Variants in YES1 observed in about 807,000 individuals in gnomAD.
YES1 encodes YES proto-oncogene 1, Src family tyrosine kinase.
YES1 carries 39 observed loss-of-function variants against 70.4 expected under a neutral mutation model. The ratio of observed to expected loss-of-function variants is 0.55; its 90% CI spans 0.43 to 0.72. The LOEUF is 0.72. Among genes scored for constraint, YES1 ranks in the 30% least tolerant of loss-of-function variants. The pLI, the probability that YES1 is intolerant of heterozygous loss-of-function variation, is 0.00. For synonymous variants in YES1, 198 were observed against 218.6 expected (o/e 0.91, Z 0.83); for missense variants, 495 against 644.8 (o/e 0.77, Z 2.52).
At chr18:791,799 A>G (rs1906263998) in intron 1 of YES1, among the ~76,000 whole-genome samples, 1 of 152,156 alleles carries the variant, frequency 6.6e-6, no homozygotes, top group African/African-American at 2.4e-5. Flanking sequence ...TCACGTCTGT[A>G]ATCCCAGCAC....
intron 2 of YES1, among the ~76,000 whole-genome samples, chr18:752,380 G>C (rs1259304643): frequency 6.6e-6 from 1 of 152,082 alleles, no homozygotes; most frequent in Admixed American, 6.6e-5. Flanking sequence ...AAAGTGCTGG[G>C]ATTACAGACG....
intron 11 of YES1, among the ~76,000 whole-genome samples, chr18:725,386 T>A (rs1432449268): frequency 6.6e-6 from 1 of 152,202 alleles, no homozygotes; most frequent in Non-Finnish European, 1.5e-5. Context: ...AGGAATGATA[T>A]TTAAAATAGT....
At chr18:755,573 T>C (rs1456695100) in intron 2 of YES1, among the ~76,000 whole-genome samples, 5 of 152,086 alleles carry the variant, frequency 3.3e-5, no homozygotes, top group African/African-American at 7.2e-5. Context: ...TTTGGTCCAG[T>C]TGGAACAGAC....
At chr18:770,922 A>G (rs1905122436) in intron 1 of YES1, among the ~76,000 whole-genome samples, 1 of 151,796 alleles carries the variant, frequency 6.6e-6, no homozygotes, top group African/African-American at 2.4e-5. Flanking sequence ...GAGGTGGGAG[A>G]ACAGCTTGAG....
chr18:801,588 G>A (rs1169449778), intron 1 of YES1, among the ~76,000 whole-genome samples: 1 of 152,076 alleles, frequency 6.6e-6, no homozygotes, highest in African/African-American at 2.4e-5. Flanking sequence ...AACTCACCTA[G>A]AAATAAATGA....
At position 739,828 on chromosome 18, in the gene YES1, G is replaced by A. The variant is rs150361963; in HGVS notation, c.1061-17C>T. On this transcript the variant is annotated splice_polypyrimidine_tract_variant and intron_variant, in intron 8 of 11. Coordinates refer to ENST00000314574, the MANE Select transcript of YES1 (RefSeq NM_005433.4). Reference sequence around the variant, plus strand: ...ATAAGCTTCCTGTAACAGACAGCAAGATATTCATAAAAAATAAGCAAATCT... The same window carrying A: ...ATAAGCTTCCTGTAACAGACAGCAAAATATTCATAAAAAATAAGCAAATCT... The A allele has an allele frequency of 3.1e-6, 5 of 1,590,772 alleles. No individual in the cohort carries two copies. The East Asian group carries it at 1.1e-4, about 36-fold the overall frequency.
At chr18:770,692 T>C (rs1442716982) in intron 1 of YES1, among the ~76,000 whole-genome samples, 1 of 152,178 alleles carries the variant, frequency 6.6e-6, no homozygotes, top group African/African-American at 2.4e-5. Context: ...TAAAGCTCAC[T>C]TTGTTTGTTT....
chr18:730,728 TTTTA>T (rs904983346), intron 11 of YES1, among the ~76,000 whole-genome samples: 2 of 152,194 alleles, frequency 1.3e-5, no homozygotes, highest in African/African-American at 4.8e-5. Flanking sequence ...CTTTTACATA[TTTTA>T]TTTAACTTTT....
In YES1 at chr18:723,629, T is replaced by C. The variant is rs2079984917; in HGVS notation, c.*795A>G. ...AAGATCAAAACATTTCCCCTTTGAT[T>C]GGACAGTAGTTTCAATTATATATTG... is the stretch of plus-strand genomic sequence containing the variant. On this transcript the variant is annotated 3_prime_UTR_variant, in exon 12 of 12. Coordinates refer to ENST00000314574, the MANE Select transcript of YES1 (RefSeq NM_005433.4). 1 of 152,668 alleles carries C rather than the reference T, an allele frequency of 6.6e-6. No individual in the cohort carries two copies. The highest frequency in any genetic ancestry group is 1.5e-5 in the Non-Finnish European group (1 of 68,040). The allele number at this position is 152,668 out of a possible 1,614,324, so 9.5% of individuals were successfully genotyped here. A position where few individuals can be genotyped will look rare whatever the true frequency, so the allele number is the denominator to read the frequency against.
intron 1 of YES1, among the ~76,000 whole-genome samples, chr18:780,464 T>G (rs916885832): frequency 6.6e-6 from 1 of 152,092 alleles, no homozygotes; most frequent in East Asian, 1.9e-4. Context: ...CCTCACCATG[T>G]GATATCCTCC....
At chr18:772,123 G>C (rs1905186923) in intron 1 of YES1, among the ~76,000 whole-genome samples, 1 of 151,906 alleles carries the variant, frequency 6.6e-6, no homozygotes, top group South Asian at 2.1e-4. Flanking sequence ...CTGCCTCCTG[G>C]GTTCAAGTGA....
chr18:742,779 C>T (rs960481111), intron 8 of YES1, 139 bp downstream of exon 8: 1 of 590,046 alleles, frequency 1.7e-6, no homozygotes, highest in Non-Finnish European at 2.6e-6. Context: ...TTCCATTAAA[C>T]AAAGTGTCAG....
chr18:799,875 ACT>A lies in YES1; in HGVS notation c.-9+12237_-9+12238del, dbSNP rs574738762. Among the ~76,000 whole-genome samples, 351 of 152,114 alleles carry A rather than the reference ACT, an allele frequency of 2.3e-3. 2 individuals are homozygous for A. Among genetic ancestry groups the A allele is most frequent in the African/African-American group, 8.2e-3 (339 of 41,484 alleles). On this transcript the variant is annotated intron_variant, in intron 1 of 11. Coordinates refer to ENST00000314574, the MANE Select transcript of YES1 (RefSeq NM_005433.4). ...CCTCCAGCCTGGGCTAAAGAACGAG[ACT>A]CTGTCTCAAAACAAACAAACAAAAA...
chr18:811,939 C>A (rs1329779659), intron 1 of YES1, among the ~76,000 whole-genome samples, 175 bp downstream of exon 1: 1 of 152,172 alleles, frequency 6.6e-6, no homozygotes, highest in Non-Finnish European at 1.5e-5. Context: ...GGGAACGAGA[C>A]AAGCCCGCCG....
chr18:762,565 T>A (rs936311419), intron 1 of YES1, among the ~76,000 whole-genome samples: 1 of 152,120 alleles, frequency 6.6e-6, no homozygotes, highest in Non-Finnish European at 1.5e-5. Flanking sequence ...AACATTTATA[T>A]GGAAAAGTCT....
intron 1 of YES1, among the ~76,000 whole-genome samples, chr18:769,180 C>T (rs1282054545): frequency 1.3e-5 from 2 of 152,154 alleles, no homozygotes; most frequent in Non-Finnish European, 2.9e-5. Context: ...GCATGATGTT[C>T]ACACAATGAT....
chr18:727,074 A>T (rs1191590815), intron 11 of YES1, among the ~76,000 whole-genome samples: 1 of 152,304 alleles, frequency 6.6e-6, no homozygotes, highest in South Asian at 2.1e-4. Flanking sequence ...AAAGATGGGT[A>T]ATCTACAAAT....
At chr18:745,056 G>C (rs1449723575) in intron 6 of YES1, among the ~76,000 whole-genome samples, 1 of 152,102 alleles carries the variant, frequency 6.6e-6, no homozygotes, top group African/African-American at 2.4e-5. Flanking sequence ...TGACTTGATA[G>C]ACTCAGTTTG....
At chr18:742,375 T>C (rs2080225643) in intron 8 of YES1, among the ~76,000 whole-genome samples, 1 of 151,636 alleles carries the variant, frequency 6.6e-6, no homozygotes, top group South Asian at 2.1e-4. Context: ...TACCAGCACT[T>C]TGGGAGGCCA....
Sources: gnomAD v4.1 joint callset for allele counts (sites outside exome capture counted in the v4.1 genomes callset) on GRCh38, gnomAD v4.1.1 for gene constraint, MANE v1.5 for transcripts, NCBI Gene and HGNC (gene_info 2026-07-23, HGNC 2026-07-21) for gene names.